PDLIM5: variants seen among roughly 807,000 people sequenced by gnomAD.
PDLIM5 encodes the protein PDZ and LIM domain protein 5.
Under a neutral mutation model 64.2 loss-of-function variants are expected in PDLIM5, and 34 were observed. That is an observed-to-expected ratio of 0.53 (90% confidence interval 0.40 to 0.71). The LOEUF (loss-of-function observed/expected upper bound fraction) is 0.71. PDLIM5 is among the 30% of genes least tolerant of loss of function. PDLIM5 has a pLI of 0.00. For missense variants in PDLIM5, 683 were observed against 733.6 expected (o/e 0.93, Z 0.80); for synonymous variants, 253 against 269.1 (o/e 0.94, Z 0.59).
At chr4:94,524,258 A>G (rs1413466045) in intron 3 of PDLIM5, among the ~76,000 whole-genome samples, 1 of 151,274 alleles carries the variant, frequency 6.6e-6, no homozygotes, top group Non-Finnish European at 1.5e-5. Flanking sequence ...AGTCCCAGCT[A>G]TCCAGGAGGC....
At chr4:94,493,505 G>A (rs1200010521) in intron 2 of PDLIM5, among the ~76,000 whole-genome samples, 1 of 151,870 alleles carries the variant, frequency 6.6e-6, no homozygotes, top group East Asian at 1.9e-4. Flanking sequence ...TGGTAGTGAC[G>A]GAGTTTCATC....
chr4:94,579,263 T>C, intron 5 of PDLIM5: 1 of 251,374 alleles, frequency 4.0e-6, no homozygotes, highest in Non-Finnish European at 7.7e-6. Flanking sequence ...AATGGGACTT[T>C]ATATTTCAAA....
At chr4:94,578,767 C>T (rs982559695) in intron 5 of PDLIM5, among the ~76,000 whole-genome samples, 1 of 151,840 alleles carries the variant, frequency 6.6e-6, no homozygotes, top group African/African-American at 2.4e-5. Flanking sequence ...TGCAAAATAC[C>T]TACAACAAAA....
intron 2 of PDLIM5, chr4:94,488,910 C>G (rs931438507): frequency 6.6e-6 from 1 of 152,218 alleles, no homozygotes; most frequent in African/African-American, 2.4e-5. Flanking sequence ...AATTATTTCT[C>G]CATGAGTAAG....
At chr4:94,493,462 C>A (rs2555215) in intron 2 of PDLIM5, among the ~76,000 whole-genome samples, 63,288 of 151,850 alleles carry the variant, frequency 0.42, 15,772 homozygotes, top group South Asian at 0.72. Flanking sequence ...AGGTTTGGGC[C>A]ACCATGCTTG....
At position 94,579,580 on chromosome 4, in the gene PDLIM5, T is replaced by A. The variant is rs921444396; in HGVS notation, c.710+3546T>A. ...TGGAGAGGAAATATGGTGATTTATATATGAGTAAACAGCATGAATGCCTGA... is the reference window on the plus strand; with the variant it reads ...TGGAGAGGAAATATGGTGATTTATAAATGAGTAAACAGCATGAATGCCTGA... On this transcript the variant is annotated intron_variant, in intron 5 of 12. Transcript: ENST00000317968. 5 of 1,140,446 alleles carry A rather than the reference T, an allele frequency of 4.4e-6. No homozygotes were observed. In the African/African-American group the frequency reaches 8.0e-5, roughly 18 times the overall value. The allele number at this position is 1,140,446 out of a possible 1,614,324, so 70.6% of individuals were successfully genotyped here. A position where few individuals can be genotyped will look rare whatever the true frequency, so the allele number is the denominator to read the frequency against.
At chr4:94,615,135 A>G (rs151300274) in intron 7 of PDLIM5, among the ~76,000 whole-genome samples, 103 of 152,288 alleles carry the variant, frequency 6.8e-4, no homozygotes, top group African/African-American at 2.1e-3. Context: ...GGATAAAGGT[A>G]GTATTTTTAT....
At chr4:94,560,288 T>C (rs1458225797) in intron 3 of PDLIM5, among the ~76,000 whole-genome samples, 3 of 152,134 alleles carry the variant, frequency 2.0e-5, no homozygotes, top group Admixed American at 6.5e-5. Context: ...AAGACCTGGA[T>C]TGTTGCTAAT....
At position 94,569,089 on chromosome 4, in the gene PDLIM5, A is replaced by T. The variant is rs777822976; in HGVS notation, c.249-4262A>T. Among the ~76,000 whole-genome samples, 44 of 152,144 alleles carry T rather than the reference A, an allele frequency of 2.9e-4. 1 individual carries two copies. The highest frequency in any genetic ancestry group is 6.2e-4 in the South Asian group (3 of 4,824). Reference sequence around the variant, plus strand: ...TGGATTGTGGTTACCTTTAGAGATGACCTGTACCTATATGGAATAAGTGCC... The same window carrying T: ...TGGATTGTGGTTACCTTTAGAGATGTCCTGTACCTATATGGAATAAGTGCC... On this transcript the variant is annotated intron_variant, in intron 3 of 12. Transcript: ENST00000317968.
At chr4:94,474,407 C>T (rs1481957790) in intron 2 of PDLIM5, among the ~76,000 whole-genome samples, 3 of 151,754 alleles carry the variant, frequency 2.0e-5, no homozygotes, top group African/African-American at 4.8e-5. Flanking sequence ...TGCGCCACCA[C>T]GCCTGACTAA....
chr4:94,488,297 G>C (rs533462710), intron 2 of PDLIM5, among the ~76,000 whole-genome samples: 1 of 152,262 alleles, frequency 6.6e-6, no homozygotes, highest in East Asian at 1.9e-4. Flanking sequence ...AAGAGCTGCT[G>C]TTCCTTTAAT....
At chr4:94,559,129 ATAT>A (rs1467208107) in intron 3 of PDLIM5, among the ~76,000 whole-genome samples, 8 of 152,190 alleles carry the variant, frequency 5.3e-5, no homozygotes, top group Admixed American at 3.9e-4. Context: ...AATAAAAAAG[ATAT>A]TATTATGATT....
chr4:94,480,939 A>G (rs1335762699), intron 2 of PDLIM5, among the ~76,000 whole-genome samples: 6 of 152,220 alleles, frequency 3.9e-5, no homozygotes, highest in African/African-American at 1.4e-4. Flanking sequence ...CTTGTGTAAG[A>G]AGGAAATAAT....
intron 3 of PDLIM5, among the ~76,000 whole-genome samples, chr4:94,572,532 A>T (rs1385048908): frequency 6.6e-6 from 1 of 152,214 alleles, no homozygotes; most frequent in Non-Finnish European, 1.5e-5. Context: ...AATTATTGTT[A>T]CTGTTGAGCC....
intron 8 of PDLIM5, among the ~76,000 whole-genome samples, chr4:94,620,906 A>G (rs1415263138): frequency 6.6e-6 from 1 of 151,552 alleles, no homozygotes; most frequent in East Asian, 1.9e-4. Context: ...TGTCTCTACT[A>G]AAAATAAAAG....
intron 7 of PDLIM5, among the ~76,000 whole-genome samples, chr4:94,597,123 T>G (rs868737368): frequency 2.0e-5 from 3 of 151,066 alleles, no homozygotes; most frequent in Middle Eastern, 3.4e-3. Flanking sequence ...TTCACACACT[T>G]TATTCTTTAT....
rs142202763 is a variant in PDLIM5, at chr4:94,661,532, G to A, written c.1586-890G>A. On this transcript the variant is annotated intron_variant, in intron 11 of 12. Coordinates refer to ENST00000317968, the MANE Select transcript of PDLIM5 (RefSeq NM_006457.5). Reference sequence around the variant, plus strand: ...AAGTAAATGGTCTTTTCTGGCTAAGGGTTTTCAACATGAAGTCATAAAATT... The same window carrying A: ...AAGTAAATGGTCTTTTCTGGCTAAGAGTTTTCAACATGAAGTCATAAAATT... 2.3e-3 allele frequency among the ~76,000 whole-genome samples: 357 copies of A among 152,136 alleles called. 1 individual carries two copies. The highest frequency in any genetic ancestry group is 8.3e-3 in the African/African-American group (343 of 41,520).
In PDLIM5 at chr4:94,665,354, T is replaced by C. The variant is rs1409852419; in HGVS notation, c.*1287T>C. On this transcript the variant is annotated 3_prime_UTR_variant, in exon 13 of 13. Coordinates refer to ENST00000317968, the MANE Select transcript of PDLIM5 (RefSeq NM_006457.5). ...AAAATGAGCTGGGCATGGTGGGGCG[T>C]GCCTGTAGTCCCATGTACTTGGGAG... 8.4e-6 allele frequency: 2 copies of C among 236,702 alleles called. No individual in the cohort carries two copies. Among genetic ancestry groups the C allele is most frequent in the Non-Finnish European group, 1.4e-5 (2 of 145,342 alleles). 14.7% of individuals were successfully genotyped at this position (236,702 alleles called of 1,614,324 possible).
chr4:94,556,673 T>G (rs186764326), intron 3 of PDLIM5, among the ~76,000 whole-genome samples: 103 of 152,366 alleles, frequency 6.8e-4, no homozygotes, highest in African/African-American at 2.4e-3. Context: ...GGGCATTTTT[T>G]CATGTGTCTG....
Sources: gnomAD v4.1 joint callset for allele counts (sites outside exome capture counted in the v4.1 genomes callset) on GRCh38, gnomAD v4.1.1 for gene constraint, MANE v1.5 for transcripts, NCBI Gene and HGNC (gene_info 2026-07-23, HGNC 2026-07-21) for gene names.